ACER1: variants seen among roughly 807,000 people sequenced by gnomAD.
ACER1 encodes alkaline ceramidase 1, also known as CTB-180A7.3.
A neutral mutation model predicts 24.9 loss-of-function variants in ACER1; 28 were observed. The ratio of observed to expected loss-of-function variants is 1.13; its 90% CI spans 0.83 to 1.54. The LOEUF is 1.54. Among genes scored for constraint, ACER1 ranks in the 40% most tolerant of loss-of-function variants. The probability of loss-of-function intolerance (pLI) is 0.00; values close to 1 mark genes in which losing one functional copy is unlikely to be tolerated. For synonymous variants in ACER1, 132 were observed against 131.4 expected (o/e 1.00, Z -0.03); for missense variants, 352 against 349.3 (o/e 1.01, Z -0.06).
chr19:6,325,082 T>C (rs2091654431), intron 1 of ACER1, among the ~76,000 whole-genome samples: 1 of 152,128 alleles, frequency 6.6e-6, no homozygotes, highest in Admixed American at 6.6e-5. Context: ...TCCTGTTGGA[T>C]GACCCTTCCT....
At chr19:6,347,991 G>A in the ACER1 span, among the ~76,000 whole-genome samples, 3 of 150,356 alleles carry the variant, frequency 2.0e-5, no homozygotes, top group Non-Finnish European at 4.5e-5. Context: ...TTGGGAGTTT[G>A]AGACCAGCCT....
intron 4 of ACER1, among the ~76,000 whole-genome samples, chr19:6,308,819 GGTT>G (rs1344560273): frequency 1.3e-5 from 2 of 152,194 alleles, no homozygotes; most frequent in African/African-American, 4.8e-5. Context: ...AAATGTGGGT[GGTT>G]GTTGTGGCTG....
At chr19:6,356,428 G>A in the ACER1 span, among the ~76,000 whole-genome samples, 1 of 149,510 alleles carries the variant, frequency 6.7e-6, no homozygotes, top group Non-Finnish European at 1.5e-5. Flanking sequence ...CTATGACCCT[G>A]CCAAATCCCC....
the ACER1 span, among the ~76,000 whole-genome samples, chr19:6,342,931 C>A: frequency 6.6e-6 from 1 of 151,908 alleles, no homozygotes; most frequent in Admixed American, 6.6e-5. Context: ...GCACCCGCCA[C>A]TGTGCCCGGC....
chr19:6,306,896 G>A lies in ACER1; in HGVS notation c.627-14C>T. On this transcript the variant is annotated splice_polypyrimidine_tract_variant and intron_variant, in intron 5 of 5. Transcript: ENST00000301452. The stretch of plus-strand genomic sequence containing the variant: ...ATGAGCACATGCCTGTGGAGTGCAG[G>A]GCGAAGGTGGCGAGGGCACAAGATA... The A allele has an allele frequency of 1.2e-6, 2 of 1,602,700 alleles. No homozygotes were observed. Among genetic ancestry groups the A allele is most frequent in the Non-Finnish European group, 1.7e-6 (2 of 1,172,388 alleles).
At position 6,312,515 on chromosome 19, in the gene ACER1, C is replaced by T; in HGVS notation, c.94-16G>A. On this transcript the variant is annotated splice_polypyrimidine_tract_variant and intron_variant, in intron 1 of 5. Transcript: ENST00000301452. Reference sequence around the variant, plus strand: ...TATTGGAGAACTGGAGCAGAGAGAGCCATAGGGAGGAGCTCGTCAGATAGG... The same window carrying T: ...TATTGGAGAACTGGAGCAGAGAGAGTCATAGGGAGGAGCTCGTCAGATAGG... The T allele has an allele frequency of 6.2e-7, 1 of 1,604,044 alleles. No homozygotes were observed. The highest frequency in any genetic ancestry group is 8.5e-7 in the Non-Finnish European group (1 of 1,171,264).
chr19:6,316,089 C>T (rs1431165545), intron 1 of ACER1, among the ~76,000 whole-genome samples: 1 of 152,084 alleles, frequency 6.6e-6, no homozygotes, highest in Admixed American at 6.6e-5. Flanking sequence ...GATTGTTGCA[C>T]TGCACTCCAG....
chr19:6,340,171 C>T, the ACER1 span, among the ~76,000 whole-genome samples: 1 of 151,892 alleles, frequency 6.6e-6, no homozygotes, highest in South Asian at 2.1e-4. Context: ...ATCCCAGCTA[C>T]TCGGGAGGCT....
chr19:6,311,497 G>A (rs552018863), intron 3 of ACER1, among the ~76,000 whole-genome samples: 198 of 152,004 alleles, frequency 1.3e-3, no homozygotes, highest in African/African-American at 4.5e-3. Flanking sequence ...AGCCGAGATC[G>A]CACCACTGCA....
At chr19:6,334,335 A>C (rs2091704401), upstream of ACER1, among the ~76,000 whole-genome samples, 1 of 149,802 alleles carries the variant, frequency 6.7e-6, no homozygotes, top group East Asian at 2.0e-4. Flanking sequence ...TGCGTGAGCC[A>C]CCGTGCCCGG....
intron 1 of ACER1, among the ~76,000 whole-genome samples, chr19:6,323,126 A>G (rs970517277): frequency 5.9e-5 from 9 of 151,696 alleles, no homozygotes; most frequent in African/African-American, 2.4e-5. Context: ...ACAAACAAAC[A>G]AAAAACAAAA....
intron 1 of ACER1, among the ~76,000 whole-genome samples, chr19:6,330,210 C>G (rs1165105631): frequency 1.4e-5 from 2 of 145,930 alleles, no homozygotes; most frequent in Non-Finnish European, 3.0e-5. Context: ...CTCTGTCACC[C>G]AGGCTGGAGT....
the ACER1 span, among the ~76,000 whole-genome samples, chr19:6,354,652 G>C: frequency 6.6e-6 from 1 of 152,184 alleles, no homozygotes; most frequent in Non-Finnish European, 1.5e-5. Context: ...GAGTGCAGTG[G>C]CTCACGCCTG....
chr19:6,350,980 G>A, the ACER1 span, among the ~76,000 whole-genome samples: 7 of 152,154 alleles, frequency 4.6e-5, no homozygotes, highest in Non-Finnish European at 1.0e-4. Context: ...GTGACTGGGA[G>A]AGAAAGTCAT....
At chr19:6,349,279 C>T in the ACER1 span, among the ~76,000 whole-genome samples, 1 of 150,386 alleles carries the variant, frequency 6.6e-6, no homozygotes. Flanking sequence ...AGTTTGAGAT[C>T]AGCCTGGGCA....
In ACER1 at chr19:6,326,175, G is replaced by C. The variant is rs2145014211; in HGVS notation, c.93+7284C>G. On this transcript the variant is annotated intron_variant, in intron 1 of 5. Transcript: ENST00000301452. ...GAGTCTCGCTCTGTAGCCCAGGCTG[G>C]AGTGCAGTGGCACCATCTCGGCTCA... is the stretch of plus-strand genomic sequence containing the variant. 1.3e-5 allele frequency among the ~76,000 whole-genome samples: 2 copies of C among 148,204 alleles called. 1 individual carries two copies. Among genetic ancestry groups the C allele is most frequent in the South Asian group, 4.3e-4 (2 of 4,624 alleles).
intron 1 of ACER1, among the ~76,000 whole-genome samples, chr19:6,318,427 C>A (rs555992727): frequency 2.6e-5 from 4 of 151,516 alleles, no homozygotes; most frequent in Non-Finnish European, 5.9e-5. Context: ...TGAGATCACA[C>A]GATTGCATTC....
chr19:6,337,453 T>G (rs2091718413), upstream of ACER1, among the ~76,000 whole-genome samples: 3 of 145,714 alleles, frequency 2.1e-5, no homozygotes, highest in Admixed American at 2.1e-4. Context: ...AAAGTTTCCT[T>G]TTTTTTTCTT....
At chr19:6,327,407 T>C (rs1332359238) in intron 1 of ACER1, among the ~76,000 whole-genome samples, 1 of 151,236 alleles carries the variant, frequency 6.6e-6, no homozygotes, top group Non-Finnish European at 1.5e-5. Flanking sequence ...CTACTAAAAA[T>C]ACAAAAAATT....
Sources: gnomAD v4.1 joint callset for allele counts (sites outside exome capture counted in the v4.1 genomes callset) on GRCh38, gnomAD v4.1.1 for gene constraint, MANE v1.5 for transcripts, NCBI Gene and HGNC (gene_info 2026-07-23, HGNC 2026-07-21) for gene names.